The following TRPC4 variants were observed in gnomAD, a reference collection of about 807,000 sequenced individuals.
The protein encoded by TRPC4 is short transient receptor potential channel 4.
TRPC4 carries 49 observed loss-of-function variants against 99.4 expected under a neutral mutation model. The ratio of observed to expected loss-of-function variants is 0.49; its 90% CI spans 0.39 to 0.63. TRPC4 has a LOEUF of 0.63. Ranked by LOEUF, TRPC4 falls within the 20% of genes least tolerant of loss-of-function variation. The pLI, the probability that TRPC4 is intolerant of heterozygous loss-of-function variation, is 0.00. For missense variants in TRPC4, 898 were observed against 1,152.9 expected, an observed-to-expected ratio of 0.78 and a Z score of 3.20; for synonymous variants, 454 against 425.9, an observed-to-expected ratio of 1.07 and a Z score of -0.81.
rs1363202597 is a variant in TRPC4, at chr13:37,637,043, A to C, written c.2794T>G (p.Ser932Ala). The change falls in exon 11 of 11, where the codon TCA becomes GCA. Residue 932 changes from serine (S) to alanine (A), a missense_variant. By Grantham distance (99) the Ser-to-Ala change is moderately conservative. Coordinates refer to ENST00000379705, the MANE Select transcript of TRPC4 (RefSeq NM_016179.4). ...GTGTCCTCCACCACCACCTTCTCTG[A>C]CTTGAATGGACACACTCTCTTTCCT... The part of the protein sequence containing the change: ...QVGKRVCPFK[S>A]EKVVVEDTVP... 5 of 1,613,590 alleles carry C rather than the reference A, an allele frequency of 3.1e-6. No homozygotes were observed. The African/African-American group carries it at 6.7e-5, about 22-fold the overall frequency.
Position 37,864,980 on chromosome 13 carries a change from A to T in TRPC4, c.-28+4615T>A, listed in dbSNP as rs183879262. On this transcript the variant is annotated intron_variant, in intron 1 of 10. Coordinates refer to ENST00000379705, the MANE Select transcript of TRPC4 (RefSeq NM_016179.4). ...TTATTCATTTACTAATATTCAACAA[A>T]TATCTACTGAATGGATAAGATTTTA... Among the ~76,000 whole-genome samples the T allele has an allele frequency of 1.3e-4, 20 of 151,918 alleles. No homozygotes were observed. The East Asian group carries it at 3.7e-3, about 28-fold the overall frequency.
intron 1 of TRPC4, among the ~76,000 whole-genome samples, chr13:37,820,707 T>A (rs1349932123): frequency 6.6e-6 from 1 of 152,078 alleles, no homozygotes; most frequent in Non-Finnish European, 1.5e-5. Flanking sequence ...TCTCCATAGA[T>A]GAAGAAAAGG....
chr13:37,717,882 A>G (rs754123352), intron 3 of TRPC4, among the ~76,000 whole-genome samples: 1 of 152,142 alleles, frequency 6.6e-6, no homozygotes, highest in Non-Finnish European at 1.5e-5. Flanking sequence ...CTAACCTTTA[A>G]TTATAAAAAT....
chr13:37,800,327 C>T (rs771751230), intron 1 of TRPC4, among the ~76,000 whole-genome samples: 5 of 152,250 alleles, frequency 3.3e-5, no homozygotes, highest in Middle Eastern at 3.4e-3. Flanking sequence ...CCTCAGCCTC[C>T]TGAGTAGCTA....
chr13:37,685,490 A>C (rs969879336), intron 4 of TRPC4, among the ~76,000 whole-genome samples: 7 of 152,178 alleles, frequency 4.6e-5, no homozygotes, highest in African/African-American at 1.7e-4. Context: ...TTCGAACAAA[A>C]GAATGCATTT....
At position 37,783,311 on chromosome 13, in the gene TRPC4, C is replaced by T. The variant is rs1956891455; in HGVS notation, c.23G>A (p.Arg8Lys). The T allele has an allele frequency of 3.8e-6, 6 of 1,584,316 alleles. No homozygotes were observed. Among genetic ancestry groups the T allele is most frequent in the Non-Finnish European group, 5.1e-6 (6 of 1,167,878 alleles). Reference sequence around the variant, plus strand: ...GTCTCTATAGGGAGCATTAACATTTCTTTTGTAATAGAACTGAGCCATGTT... The same window carrying T: ...GTCTCTATAGGGAGCATTAACATTTTTTTTGTAATAGAACTGAGCCATGTT... MAQFYYK[R>K]NVNAPYRDRI... Residue 8 changes from arginine to lysine, a missense_variant, in exon 2 of 11, where the codon AGA (arginine) becomes AAA (lysine). Physicochemically the swap from Arg to Lys is conservative, Grantham distance 26 (BLOSUM62 2). Transcript: ENST00000379705.
chr13:37,656,178 C>G (rs1924282), intron 6 of TRPC4, among the ~76,000 whole-genome samples: 151,349 of 152,274 alleles, frequency 0.99, 75,221 homozygotes, highest in Middle Eastern at 1. Context: ...AAGCTGAGGA[C>G]TATCTGAACT....
intron 3 of TRPC4, among the ~76,000 whole-genome samples, chr13:37,707,050 A>G (rs1426214688): frequency 1.3e-5 from 2 of 152,202 alleles, no homozygotes; most frequent in Non-Finnish European, 2.9e-5. Context: ...ACAAGCCAAT[A>G]TTAAAGAATC....
intron 3 of TRPC4, among the ~76,000 whole-genome samples, chr13:37,736,486 T>C (rs1320076740): frequency 6.6e-6 from 1 of 152,162 alleles, no homozygotes; most frequent in African/African-American, 2.4e-5. Flanking sequence ...TTCTGAGGTG[T>C]AGCAGTCAGG....
rs192304752 is a variant in TRPC4, at chr13:37,817,100, C to A, written c.-27-33740G>T. Among the ~76,000 whole-genome samples the A allele has an allele frequency of 3.3e-3, 500 of 152,166 alleles. 4 individuals are homozygous for A. The highest frequency in any genetic ancestry group is 0.011 in the African/African-American group (464 of 41,560). On this transcript the variant is annotated intron_variant, in intron 1 of 10. Transcript: ENST00000379705. ...TCAAACTATCCCTGTTTGCAGACAA[C>A]ATAAGCCTTTAACTAGAAAACTCCA...
chr13:37,776,333 A>C (rs1445272628), intron 2 of TRPC4, among the ~76,000 whole-genome samples: 1 of 151,944 alleles, frequency 6.6e-6, no homozygotes, highest in African/African-American at 2.4e-5. Flanking sequence ...CCTATTGATA[A>C]ATCGATATAT....
At chr13:37,783,791 C>T (rs7997329) in intron 1 of TRPC4, among the ~76,000 whole-genome samples, 79,122 of 151,904 alleles carry the variant, frequency 0.52, 21,140 homozygotes, top group East Asian at 0.78. Context: ...ATTGTGGAAA[C>T]GCTATTGAGA....
At chr13:37,674,490 C>T (rs1356976597) in intron 4 of TRPC4, 123 bp from the exon 5 acceptor site, 17 of 1,053,486 alleles carry the variant, frequency 1.6e-5, no homozygotes, top group Admixed American at 6.5e-5. Flanking sequence ...CTAAATGCAA[C>T]ATCTATTTTT....
chr13:37,668,478 G>T lies in TRPC4; in HGVS notation c.1375-4749C>A, dbSNP rs191998266. Among the ~76,000 whole-genome samples, 19 of 152,268 alleles carry T rather than the reference G, an allele frequency of 1.2e-4. No homozygotes were observed. In the East Asian group the frequency reaches 3.5e-3, roughly 28 times the overall value. ...AAAAACAAAGTGGTTAGAGAATATG[G>T]ATCATTTTTATAAATGTATCTTGAC... On this transcript the variant is annotated intron_variant, in intron 5 of 10. Coordinates refer to ENST00000379705, the MANE Select transcript of TRPC4 (RefSeq NM_016179.4).
chr13:37,854,032 G>T (rs994699201), intron 1 of TRPC4, among the ~76,000 whole-genome samples: 3 of 152,038 alleles, frequency 2.0e-5, no homozygotes, highest in Admixed American at 1.3e-4. Flanking sequence ...TAATATCCAA[G>T]AATTTCCCAA....
At chr13:37,678,252 A>T (rs917217510) in intron 4 of TRPC4, among the ~76,000 whole-genome samples, 1 of 152,046 alleles carries the variant, frequency 6.6e-6, no homozygotes, top group African/African-American at 2.4e-5. Context: ...AAGCAGAAAG[A>T]AGAAAATAAC....
At chr13:37,774,791 G>C (rs1372197996) in intron 2 of TRPC4, among the ~76,000 whole-genome samples, 1 of 151,662 alleles carries the variant, frequency 6.6e-6, no homozygotes, top group Admixed American at 6.6e-5. Flanking sequence ...CCTGTAATCA[G>C]GGAATAAGTG....
intron 4 of TRPC4, among the ~76,000 whole-genome samples, chr13:37,680,689 G>A (rs1343326928): frequency 6.6e-6 from 1 of 152,152 alleles, no homozygotes; most frequent in Non-Finnish European, 1.5e-5. Flanking sequence ...ATGTAAGGAA[G>A]AATATTCTGG....
At chr13:37,715,469 C>T (rs115349387) in intron 3 of TRPC4, among the ~76,000 whole-genome samples, 3,100 of 152,218 alleles carry the variant, frequency 0.02, 101 homozygotes, top group African/African-American at 0.071. Flanking sequence ...AAAATAGTTG[C>T]CTTTTGGGGA....
Sources: allele counts gnomAD v4.1 joint callset (sites outside exome capture counted in the v4.1 genomes callset), GRCh38; gene constraint gnomAD v4.1.1; transcripts MANE v1.5; gene names NCBI Gene and HGNC (gene_info 2026-07-23, HGNC 2026-07-21).